UHRF2: variants seen among roughly 807,000 people sequenced by gnomAD.
UHRF2 encodes the protein E3 ubiquitin-protein ligase UHRF2.
Under a neutral mutation model 96.8 loss-of-function variants are expected in UHRF2, and 23 were observed. The ratio of observed to expected loss-of-function variants is 0.24; its 90% CI spans 0.17 to 0.34. The LOEUF (loss-of-function observed/expected upper bound fraction) is 0.34. Among genes scored for constraint, UHRF2 ranks in the 10% least tolerant of loss-of-function variants. UHRF2 has a pLI of 1.00. For synonymous variants in UHRF2, 385 were observed against 332.6 expected (o/e 1.16, Z -1.72); for missense variants, 685 against 981.5 (o/e 0.70, Z 4.04).
At chr9:6,490,260 C>CA (rs1824580113) in intron 9 of UHRF2, among the ~76,000 whole-genome samples, 1 of 152,312 alleles carries the variant, frequency 6.6e-6, no homozygotes, top group South Asian at 2.1e-4. Context: ...AAGATGATTA[C>CA]ATTAACTGAG....
At chr9:6,416,083 T>C (rs937627258) in intron 1 of UHRF2, among the ~76,000 whole-genome samples, 43 of 152,152 alleles carry the variant, frequency 2.8e-4, no homozygotes, top group African/African-American at 9.4e-4. Flanking sequence ...TTTTGTTTTT[T>C]TTTTAAGCCG....
At chr9:6,474,282 A>G (rs1823428192) in intron 4 of UHRF2, among the ~76,000 whole-genome samples, 3 of 152,262 alleles carry the variant, frequency 2.0e-5, no homozygotes, top group African/African-American at 7.2e-5. Context: ...AAGGATGGAA[A>G]AAGTCTTCAA....
At chr9:6,418,771 G>A (rs1357638682) in intron 1 of UHRF2, among the ~76,000 whole-genome samples, 10 of 152,146 alleles carry the variant, frequency 6.6e-5, no homozygotes, top group Non-Finnish European at 1.2e-4. Flanking sequence ...GAAACAAAAT[G>A]GAGACTTAAT....
chr9:6,495,095 T>C (rs1311204421), intron 10 of UHRF2: 1 of 152,210 alleles, frequency 6.6e-6, no homozygotes, highest in Non-Finnish European at 1.5e-5. Flanking sequence ...AAGGACTCTT[T>C]CAAGTTGTCA....
At chr9:6,487,186 T>TTATTTTTTA (rs1172890936) in intron 9 of UHRF2, among the ~76,000 whole-genome samples, 55 of 124,904 alleles carry the variant, frequency 4.4e-4, no homozygotes, top group African/African-American at 1.6e-3. Flanking sequence ...TTTTTCCTTT[T>TTATTTTTTA]TTTTTTTTTT....
intron 1 of UHRF2, among the ~76,000 whole-genome samples, chr9:6,414,573 T>C (rs1199159022): frequency 6.6e-6 from 1 of 152,194 alleles, no homozygotes; most frequent in Admixed American, 6.5e-5. Context: ...CCCATCGTAT[T>C]TTTCTTTGTC....
intron 9 of UHRF2, chr9:6,492,393 G>T: frequency 9.3e-7 from 1 of 1,076,574 alleles, no homozygotes. Flanking sequence ...ATTCTAAACT[G>T]TTCTAGATGT....
At chr9:6,489,355 G>C (rs1384948803) in intron 9 of UHRF2, among the ~76,000 whole-genome samples, 1 of 152,184 alleles carries the variant, frequency 6.6e-6, no homozygotes, top group Non-Finnish European at 1.5e-5. Flanking sequence ...AGCTATTACA[G>C]ATAAAGCTAC....
intron 4 of UHRF2, among the ~76,000 whole-genome samples, chr9:6,473,534 T>C (rs922113243): frequency 6.6e-6 from 1 of 152,120 alleles, no homozygotes; most frequent in Non-Finnish European, 1.5e-5. Context: ...GTAGCTGCCG[T>C]CAGGAGAGGA....
intron 2 of UHRF2, among the ~76,000 whole-genome samples, chr9:6,431,258 G>T (rs1820547711): frequency 2.0e-5 from 3 of 152,138 alleles, no homozygotes; most frequent in Admixed American, 2.0e-4. Flanking sequence ...GTGCATTTCT[G>T]TGAGTGCTTA....
chr9:6,488,866 G>A (rs1426526964), intron 9 of UHRF2, among the ~76,000 whole-genome samples: 1 of 151,678 alleles, frequency 6.6e-6, no homozygotes, highest in African/African-American at 2.4e-5. Context: ...AGGCTACAGG[G>A]CAGTGATGCG....
At position 6,506,931 on chromosome 9, in the gene UHRF2, CAG is replaced by C. The variant is rs1563816539; in HGVS notation, c.*755_*756del. ...TGTCTCACCAGTGGTTTTACATCTG[CAG>C]AGTTTTGAGGGCTGTGCTGACCTTT... is the stretch of plus-strand genomic sequence containing the variant. On this transcript the variant is annotated 3_prime_UTR_variant, in exon 16 of 16. Transcript: ENST00000276893. The C allele has an allele frequency of 2.0e-5, 3 of 152,604 alleles. No individual in the cohort carries two copies. The highest frequency in any genetic ancestry group is 7.2e-5 in the African/African-American group (3 of 41,426). 9.5% of individuals were successfully genotyped at this position (152,604 alleles called of 1,614,324 possible).
chr9:6,428,476 C>T (rs12352596), intron 2 of UHRF2, among the ~76,000 whole-genome samples: 2,637 of 147,482 alleles, frequency 0.018, 79 homozygotes, highest in African/African-American at 0.061. Flanking sequence ...TTATGCAACC[C>T]TAATCCCTAA....
At chr9:6,430,953 A>G (rs1381795262) in intron 2 of UHRF2, among the ~76,000 whole-genome samples, 33 of 152,228 alleles carry the variant, frequency 2.2e-4, no homozygotes. Context: ...GCTCCCACAT[A>G]GGCAAATTCT....
At chr9:6,467,943 G>C (rs932537153) in intron 4 of UHRF2, among the ~76,000 whole-genome samples, 10 of 152,108 alleles carry the variant, frequency 6.6e-5, no homozygotes, top group African/African-American at 2.4e-4. Flanking sequence ...GAATGGGTTG[G>C]TGTCTAAGCT....
chr9:6,416,441 A>C (rs1358731106), intron 1 of UHRF2, among the ~76,000 whole-genome samples: 1 of 151,520 alleles, frequency 6.6e-6, no homozygotes, highest in Non-Finnish European at 1.5e-5. Flanking sequence ...GTAGGATAAC[A>C]TGCTGTGAAC....
At chr9:6,413,757 C>T (rs1819426298) in intron 1 of UHRF2, 114 bp downstream of exon 1, 3 of 1,260,162 alleles carry the variant, frequency 2.4e-6, no homozygotes, top group African/African-American at 3.2e-5. Flanking sequence ...CACCTGGCTC[C>T]GCTGCGGGTG....
chr9:6,414,147 C>G (rs973940686), intron 1 of UHRF2: 1 of 152,414 alleles, frequency 6.6e-6, no homozygotes, highest in African/African-American at 2.4e-5. Context: ...AATAAGAACC[C>G]TAACTCTGCT....
chr9:6,414,583 C>CT (rs2130697199), intron 1 of UHRF2, among the ~76,000 whole-genome samples: 1 of 152,246 alleles, frequency 6.6e-6, no homozygotes, highest in East Asian at 1.9e-4. Context: ...TTTTCTTTGT[C>CT]TTCATGTTGT....
Sources: allele counts gnomAD v4.1 joint callset (sites outside exome capture counted in the v4.1 genomes callset), GRCh38; gene constraint gnomAD v4.1.1; transcripts MANE v1.5; gene names NCBI Gene and HGNC (gene_info 2026-07-23, HGNC 2026-07-21).